Variants in NEGR1 observed in about 807,000 individuals in gnomAD.
NEGR1 encodes IgLON family member 4.
In NEGR1, 10 loss-of-function variants were observed where a neutral mutation model predicts 40.9. The ratio of observed to expected loss-of-function variants is 0.24; its 90% CI spans 0.15 to 0.42. The LOEUF is 0.42. Ranked by LOEUF, NEGR1 falls within the 10% of genes least tolerant of loss-of-function variation. The pLI is 1.00. For missense variants in NEGR1, 352 were observed against 438.9 expected (o/e 0.80, Z 1.77); for synonymous variants, 185 against 166.8 (o/e 1.11, Z -0.84).
chr1:72,020,714 A>G (rs1646749083), intron 1 of NEGR1, among the ~76,000 whole-genome samples: 1 of 152,202 alleles, frequency 6.6e-6, no homozygotes, highest in South Asian at 2.1e-4. Flanking sequence ...CCACCAAAGT[A>G]GAGATAAGCA....
At chr1:72,251,990 A>G (rs1353634433) in intron 1 of NEGR1, among the ~76,000 whole-genome samples, 2 of 152,218 alleles carry the variant, frequency 1.3e-5, no homozygotes, top group African/African-American at 4.8e-5. Context: ...TCTTGGTTAC[A>G]AGTAATTGAC....
At chr1:71,461,176 C>T (rs1437833598) in intron 6 of NEGR1, among the ~76,000 whole-genome samples, 1 of 152,088 alleles carries the variant, frequency 6.6e-6, no homozygotes, top group Non-Finnish European at 1.5e-5. Context: ...ACATGATTGT[C>T]TTGTTATTCT....
rs1230468010 is a variant in NEGR1, at chr1:71,404,662, C to A, written c.*2784G>T. ...CTCCATTCTCATTTTTAAACTGCTA[C>A]TTATTTTTCTTTCTTCCTTCTTTAA... On this transcript the variant is annotated 3_prime_UTR_variant, in exon 7 of 7. Coordinates refer to ENST00000357731, the MANE Select transcript of NEGR1 (RefSeq NM_173808.3). The A allele has an allele frequency of 6.6e-6, 1 of 150,428 alleles. No individual in the cohort carries two copies. Among genetic ancestry groups the A allele is most frequent in the Non-Finnish European group, 1.5e-5 (1 of 67,354 alleles). The allele number at this position is 150,428 out of a possible 1,614,324, so 9.3% of individuals were successfully genotyped here.
At chr1:71,647,504 C>T (rs980243436) in intron 4 of NEGR1, among the ~76,000 whole-genome samples, 1 of 151,834 alleles carries the variant, frequency 6.6e-6, no homozygotes, top group Admixed American at 6.6e-5. Flanking sequence ...TCATTAAACA[C>T]AATAAACATA....
At chr1:71,961,235 G>C (rs760794866) in intron 1 of NEGR1, among the ~76,000 whole-genome samples, 2 of 152,128 alleles carry the variant, frequency 1.3e-5, no homozygotes, top group Non-Finnish European at 2.9e-5. Flanking sequence ...CAGAGTTTGT[G>C]TGTGATTCTA....
intron 2 of NEGR1, among the ~76,000 whole-genome samples, chr1:71,925,383 T>C (rs1645763198): frequency 6.6e-6 from 1 of 152,202 alleles, no homozygotes; most frequent in African/African-American, 2.4e-5. Context: ...TTTCCACTTC[T>C]AACCTCTTGC....
intron 2 of NEGR1, among the ~76,000 whole-genome samples, chr1:71,878,350 G>A (rs1225039829): frequency 6.6e-6 from 1 of 152,096 alleles, no homozygotes; most frequent in Non-Finnish European, 1.5e-5. Flanking sequence ...ATCACCTGAA[G>A]GGCCTGTTAA....
rs553502962 is a variant in NEGR1 at position 71,816,490 on chromosome 1, A to G, written c.410-40193T>C. 5.3e-5 allele frequency among the ~76,000 whole-genome samples: 8 copies of G among 152,166 alleles called. No individual in the cohort carries two copies. In the East Asian group the frequency reaches 1.4e-3, roughly 26 times the overall value. ...GCAAAGGCATGTCTTAGGTGGCAGT[A>G]AGCAAGCGAGCTTGTGCAGGGGAAC... On this transcript the variant is annotated intron_variant, in intron 2 of 6. Coordinates refer to ENST00000357731, the MANE Select transcript of NEGR1 (RefSeq NM_173808.3).
At chr1:71,841,780 G>A (rs1294415161) in intron 2 of NEGR1, among the ~76,000 whole-genome samples, 1 of 152,132 alleles carries the variant, frequency 6.6e-6, no homozygotes, top group South Asian at 2.1e-4. Context: ...TAAAAGGCAA[G>A]GATAGTGTCC....
chr1:72,248,959 T>C (rs1013342484), intron 1 of NEGR1, among the ~76,000 whole-genome samples: 1 of 152,204 alleles, frequency 6.6e-6, no homozygotes, highest in Non-Finnish European at 1.5e-5. Context: ...TTAGACTTGA[T>C]TGCTACTCCA....
At chr1:72,202,696 T>G (rs1461995501) in intron 1 of NEGR1, among the ~76,000 whole-genome samples, 1 of 151,964 alleles carries the variant, frequency 6.6e-6, no homozygotes, top group East Asian at 1.9e-4. Flanking sequence ...AAGAATGCTA[T>G]CTAGAACTTT....
At chr1:71,772,467 G>A (rs2101713474) in intron 3 of NEGR1, among the ~76,000 whole-genome samples, 1 of 152,122 alleles carries the variant, frequency 6.6e-6, no homozygotes. Context: ...GTTCAGTAAT[G>A]ACACTGAGAA....
chr1:72,149,599 T>G (rs1651039968), intron 1 of NEGR1, among the ~76,000 whole-genome samples: 1 of 151,922 alleles, frequency 6.6e-6, no homozygotes, highest in South Asian at 2.1e-4. Flanking sequence ...ATCCACCAAG[T>G]AGGCCGGGTG....
rs547784818 is a variant in NEGR1 at position 71,683,303 on chromosome 1, T to C, written c.667+14705A>G. On this transcript the variant is annotated intron_variant, in intron 4 of 6. Transcript: ENST00000357731. ...GTTTTAAAGATCCCTGGACTTTGTC[T>C]TCTCTTTGCATCTTTCATAGTCATC... Among the ~76,000 whole-genome samples, 4 of 152,234 alleles carry C rather than the reference T, an allele frequency of 2.6e-5. No individual in the cohort carries two copies. The South Asian group carries it at 8.3e-4, about 32-fold the overall frequency.
intron 4 of NEGR1, among the ~76,000 whole-genome samples, chr1:71,644,261 T>C (rs1651453744): frequency 6.6e-6 from 1 of 151,914 alleles, no homozygotes; most frequent in Non-Finnish European, 1.5e-5. Flanking sequence ...AGAATACTAA[T>C]CCCTAGAATG....
intron 2 of NEGR1, among the ~76,000 whole-genome samples, chr1:71,850,500 T>C (rs907189017): frequency 6.6e-6 from 1 of 152,100 alleles, no homozygotes; most frequent in African/African-American, 2.4e-5. Context: ...TAGGTCAAAA[T>C]AAACTCCTAC....
intron 2 of NEGR1, among the ~76,000 whole-genome samples, chr1:71,810,449 T>A (rs890896436): frequency 4.6e-5 from 7 of 152,098 alleles, no homozygotes; most frequent in African/African-American, 1.7e-4. Context: ...TGAATAGAAC[T>A]GAAAGAGTAT....
chr1:71,649,772 G>A (rs538736), intron 4 of NEGR1, among the ~76,000 whole-genome samples: 7,130 of 152,092 alleles, frequency 0.047, 507 homozygotes, highest in African/African-American at 0.16. Context: ...TCCTAGTCTC[G>A]TCAGCCTGAA....
intron 6 of NEGR1, among the ~76,000 whole-genome samples, chr1:71,449,158 AT>A (rs1219634588): frequency 2.0e-5 from 3 of 152,170 alleles, no homozygotes; most frequent in Non-Finnish European, 4.4e-5. Context: ...ATCAGAATTC[AT>A]TTTCACTATT....
Sources: gnomAD v4.1 joint callset for allele counts (sites outside exome capture counted in the v4.1 genomes callset) on GRCh38, gnomAD v4.1.1 for gene constraint, MANE v1.5 for transcripts, NCBI Gene and HGNC (gene_info 2026-07-23, HGNC 2026-07-21) for gene names.